RNF130: variants seen among roughly 807,000 people sequenced by gnomAD.
The protein encoded by RNF130 is E3 ubiquitin-protein ligase RNF130.
RNF130 carries 21 observed loss-of-function variants against 44.6 expected under a neutral mutation model. The observed-to-expected ratio is 0.47, with a 90% CI of 0.33 to 0.68. RNF130 has a LOEUF of 0.68. Ranked by LOEUF, RNF130 falls within the 30% of genes least tolerant of loss-of-function variation. The probability of loss-of-function intolerance (pLI) is 0.02; values close to 1 mark genes in which losing one functional copy is unlikely to be tolerated. For missense variants in RNF130, 479 were observed against 560.6 expected (o/e 0.85, Z 1.47); for synonymous variants, 214 against 210.4 (o/e 1.02, Z -0.15).
Position 179,966,832 on chromosome 5 carries a change from G to A in RNF130, c.1124C>T (p.Thr375Ile). 1 of 1,614,058 alleles carries A rather than the reference G, an allele frequency of 6.2e-7. No homozygotes were observed. Among genetic ancestry groups the A allele is most frequent in the Non-Finnish European group, 8.5e-7 (1 of 1,179,978 alleles). Reference protein sequence around the residue: ...LPQDGELTPRTGEINIAVTKE... With the variant: ...LPQDGELTPRIGEINIAVTKE... ...TGTTACTGCAATGTTGATTTCTCCT[G>A]TTCTCGGAGTGAGCTCCCCATCCTG... The change falls in exon 7 of 9, where the codon ACA becomes ATA. Residue 375 changes from threonine (T) to isoleucine (I), a missense_variant. Physicochemically the swap from Thr to Ile is moderately conservative, Grantham distance 89. Around this residue, in one of 3 missense-constraint regions of RNF130, gnomAD observed 161 missense variants for 158.6 expected, o/e 1.02. Transcript: ENST00000521389.
intron 3 of RNF130, among the ~76,000 whole-genome samples, chr5:180,001,699 G>C (rs917967416): frequency 6.6e-6 from 1 of 152,166 alleles, no homozygotes; most frequent in African/African-American, 2.4e-5. Flanking sequence ...CAGTATCTTA[G>C]ATCTGTGAAG....
At chr5:180,049,853 G>A (rs1042987348) in intron 1 of RNF130, among the ~76,000 whole-genome samples, 3 of 151,698 alleles carry the variant, frequency 2.0e-5, no homozygotes, top group South Asian at 4.2e-4. Flanking sequence ...TATATTGACC[G>A]AATTTCATTT....
At chr5:179,983,658 G>T (rs1762892293) in intron 3 of RNF130, among the ~76,000 whole-genome samples, 1 of 152,006 alleles carries the variant, frequency 6.6e-6, no homozygotes, top group South Asian at 2.1e-4. Context: ...GGATCAGTTT[G>T]TCCATCTCTA....
At position 179,964,269 on chromosome 5, in the gene RNF130, C is replaced by T. The variant is rs1281816815; in HGVS notation, c.1151-705G>A. The T allele has an allele frequency of 2.0e-5, 3 of 152,274 alleles. No individual in the cohort carries two copies. In the East Asian group the frequency reaches 5.8e-4, roughly 29 times the overall value. 9.4% of individuals were successfully genotyped at this position (152,274 alleles called of 1,614,324 possible). A position where few individuals can be genotyped will look rare whatever the true frequency, so the allele number is the denominator to read the frequency against. On this transcript the variant is annotated intron_variant, in intron 7 of 8. Transcript: ENST00000521389. The stretch of plus-strand genomic sequence containing the variant: ...ACTTGGCCACCACAGAGCTGAAAAC[C>T]TCTGGTGCTTACAACAATAAGGATG...
chr5:179,991,303 G>C (rs1027496538), intron 3 of RNF130, among the ~76,000 whole-genome samples: 2 of 152,186 alleles, frequency 1.3e-5, no homozygotes, highest in Non-Finnish European at 2.9e-5. Flanking sequence ...TAAGCAATCT[G>C]ATGACTATAT....
chr5:179,992,076 G>A (rs1763095866), intron 3 of RNF130, among the ~76,000 whole-genome samples: 1 of 152,188 alleles, frequency 6.6e-6, no homozygotes, highest in African/African-American at 2.4e-5. Context: ...CTGATGCTCA[G>A]CTCCTGCTGT....
At chr5:180,033,704 A>G (rs973605658) in intron 2 of RNF130, among the ~76,000 whole-genome samples, 1 of 152,178 alleles carries the variant, frequency 6.6e-6, no homozygotes, top group African/African-American at 2.4e-5. Flanking sequence ...TTTAAAAAAA[A>G]AAAAGAGAGA....
At chr5:179,974,232 G>C (rs552406179) in intron 5 of RNF130, among the ~76,000 whole-genome samples, 9 of 152,172 alleles carry the variant, frequency 5.9e-5, no homozygotes, top group African/African-American at 1.9e-4. Flanking sequence ...CATCTGCAGC[G>C]GCCGGCCCCC....
intron 1 of RNF130, among the ~76,000 whole-genome samples, chr5:180,049,350 G>C (rs1465978539): frequency 6.6e-6 from 1 of 152,188 alleles, no homozygotes; most frequent in East Asian, 1.9e-4. Flanking sequence ...ATTCAGGGCT[G>C]AGTGACATTT....
At chr5:179,997,561 C>T (rs903219024) in intron 3 of RNF130, among the ~76,000 whole-genome samples, 72 of 152,100 alleles carry the variant, frequency 4.7e-4, no homozygotes, top group African/African-American at 1.7e-3. Flanking sequence ...ATCTCCTGAC[C>T]TCGTGATCTG....
At chr5:179,949,314 G>A (rs1173456451) in intron 7 of RNF130, among the ~76,000 whole-genome samples, 1 of 151,142 alleles carries the variant, frequency 6.6e-6, no homozygotes, top group Non-Finnish European at 1.5e-5. Context: ...GCCCAGGCTG[G>A]AGTGCAGTGT....
intron 2 of RNF130, among the ~76,000 whole-genome samples, chr5:180,038,403 C>G (rs574619278): frequency 9.7e-4 from 111 of 114,816 alleles, no homozygotes; most frequent in Middle Eastern, 9.8e-3. Context: ...AAAAAAAAAG[C>G]CTGTTTTGTT....
chr5:179,969,002 C>A (rs146739838), intron 6 of RNF130, among the ~76,000 whole-genome samples: 1 of 152,224 alleles, frequency 6.6e-6, no homozygotes, highest in Non-Finnish European at 1.5e-5. Context: ...CAACTGTATA[C>A]ACTGAAACTG....
chr5:180,019,799 G>A (rs996437132), intron 2 of RNF130, among the ~76,000 whole-genome samples: 4 of 152,204 alleles, frequency 2.6e-5, no homozygotes, highest in African/African-American at 7.2e-5. Flanking sequence ...AAAAGCCTTT[G>A]ATGTATCCCT....
intron 1 of RNF130, among the ~76,000 whole-genome samples, chr5:180,057,470 C>T (rs186448442): frequency 3.9e-5 from 6 of 152,054 alleles, no homozygotes; most frequent in African/African-American, 1.4e-4. Context: ...ATTGCCGGAA[C>T]CTAGGAGGTG....
At chr5:179,953,619 C>G (rs1762158465), downstream of RNF130, among the ~76,000 whole-genome samples, 3 of 152,174 alleles carry the variant, frequency 2.0e-5, no homozygotes, top group African/African-American at 7.2e-5. Context: ...CGTATACAAA[C>G]ATTAACTCAA....
At chr5:180,032,763 A>C (rs1274397514) in intron 2 of RNF130, among the ~76,000 whole-genome samples, 1 of 152,176 alleles carries the variant, frequency 6.6e-6, no homozygotes, top group Non-Finnish European at 1.5e-5. Context: ...TAAGTCCTCT[A>C]ATGCTGTGCT....
chr5:179,941,712 T>A (rs183588147), intron 7 of RNF130, among the ~76,000 whole-genome samples: 1 of 152,372 alleles, frequency 6.6e-6, no homozygotes. Context: ...CTGATAGCTC[T>A]TTAATTTCTT....
At chr5:180,030,178 A>C (rs1448534935) in intron 2 of RNF130, among the ~76,000 whole-genome samples, 1 of 152,118 alleles carries the variant, frequency 6.6e-6, no homozygotes, top group African/African-American at 2.4e-5. Context: ...CTATCCTTAT[A>C]TGCTCTTTTA....
Sources: allele counts gnomAD v4.1 joint callset (sites outside exome capture counted in the v4.1 genomes callset), GRCh38; gene constraint gnomAD v4.1.1; regional missense constraint gnomAD v4.1.1; transcripts MANE v1.5; gene names NCBI Gene and HGNC (gene_info 2026-07-23, HGNC 2026-07-21).